Variants in WWC1 observed in about 807,000 individuals in gnomAD.
The protein encoded by WWC1 is WW and C2 domain containing 1.
In WWC1, 55 loss-of-function variants were observed where a neutral mutation model predicts 138.4. The ratio of observed to expected loss-of-function variants is 0.40; its 90% CI spans 0.32 to 0.50. The LOEUF (loss-of-function observed/expected upper bound fraction) is 0.50. Among genes scored for constraint, WWC1 ranks in the 20% least tolerant of loss-of-function variants. WWC1 has a pLI of 0.72. For synonymous variants in WWC1, 524 were observed against 564.9 expected, an observed-to-expected ratio of 0.93 and a Z score of 1.03; for missense variants, 1,226 against 1,420.4, an observed-to-expected ratio of 0.86 and a Z score of 2.20.
At chr5:168,448,313 C>T (rs562450966) in intron 17 of WWC1, among the ~76,000 whole-genome samples, 104 of 152,264 alleles carry the variant, frequency 6.8e-4, no homozygotes, top group Admixed American at 1.6e-3. Context: ...AGTCCTTCCT[C>T]GGCACCCAAA....
In WWC1 at chr5:168,422,050, G is replaced by A. The variant is rs1442282807; in HGVS notation, c.1227G>A (p.Leu409=). The change falls in exon 10 of 23, where the codon CTG becomes CTA. Residue 409 remains leucine (L), a synonymous_variant. Transcript: ENST00000265293. ...AGAGGAACCAGCTTGTGAGAGAACT[G>A]GAGGAAGCCACCCGGCAGGTGGCAA... is the stretch of plus-strand genomic sequence containing the variant. ...NSKRNQLVRE[L]EEATRQVATL... 1 of 1,612,822 alleles carries A rather than the reference G, an allele frequency of 6.2e-7. No individual in the cohort carries two copies.
chr5:168,433,050 T>C (rs1165417629), intron 15 of WWC1, among the ~76,000 whole-genome samples: 1 of 152,224 alleles, frequency 6.6e-6, no homozygotes, highest in African/African-American at 2.4e-5. Flanking sequence ...CATCCTTGGA[T>C]TGTGGCCTGG....
chr5:168,406,944 A>AAAAT lies in WWC1; in HGVS notation c.720+637_720+640dup, dbSNP rs199720935. ...GCGAAACAGTGAGACTCTGTCTCAA[A>AAAAT]AAATAAATAAATAAATAAATAAAGA... On this transcript the variant is annotated intron_variant, in intron 6 of 22. Transcript: ENST00000265293. 9.8e-3 allele frequency among the ~76,000 whole-genome samples: 1,479 copies of AAAAT among 151,644 alleles called. 25 individuals carry two copies. Among genetic ancestry groups the AAAAT allele is most frequent in the African/African-American group, 0.033 (1,359 of 41,078 alleles).
At chr5:168,303,843 A>T (rs1043139015) in intron 1 of WWC1, among the ~76,000 whole-genome samples, 2 of 151,918 alleles carry the variant, frequency 1.3e-5, no homozygotes, top group African/African-American at 4.8e-5. Context: ...CCCTACTTCA[A>T]CTCCAGGAAG....
chr5:168,358,239 G>T (rs912580685), intron 1 of WWC1, among the ~76,000 whole-genome samples: 3 of 152,188 alleles, frequency 2.0e-5, no homozygotes, highest in African/African-American at 4.8e-5. Flanking sequence ...TTTAGAAAAG[G>T]CTTCATACAG....
chr5:168,404,757 G>A (rs1779653160), intron 5 of WWC1, among the ~76,000 whole-genome samples: 1 of 152,138 alleles, frequency 6.6e-6, no homozygotes, highest in South Asian at 2.1e-4. Context: ...CTAGCCTTTG[G>A]CGAAAGTGTG....
intron 15 of WWC1, 46 bp from the exon 16 acceptor site, chr5:168,441,636 T>TC (rs144361392): frequency 2.0e-5 from 32 of 1,591,760 alleles, no homozygotes; most frequent in Middle Eastern, 3.4e-4. Flanking sequence ...ACACCTGGTG[T>TC]CCCCCCCACC....
chr5:168,315,266 A>G (rs62385619), intron 1 of WWC1, among the ~76,000 whole-genome samples: 3,870 of 152,030 alleles, frequency 0.025, 86 homozygotes, highest in Non-Finnish European at 0.034. Context: ...GGAGCTTGTA[A>G]AATGCAGATT....
chr5:168,422,305 A>T (rs2152851621), intron 10 of WWC1, among the ~76,000 whole-genome samples: 1 of 152,352 alleles, frequency 6.6e-6, no homozygotes, highest in South Asian at 2.1e-4. Flanking sequence ...CTGATAGCAC[A>T]AAGAAGGCCC....
intron 20 of WWC1, among the ~76,000 whole-genome samples, chr5:168,464,190 C>G (rs1169378045): frequency 6.6e-6 from 1 of 152,036 alleles, no homozygotes; most frequent in African/African-American, 2.4e-5. Context: ...CAAGCAGAAA[C>G]AATAGGGGCC....
rs190142658 is a variant in WWC1 at position 168,410,012 on chromosome 5, T to C, written c.941+17T>C. ...TAAGAGAAGGTAATTGGGCTGGGGCTAGGGGCGGGATGGTTCCAAAAATAA... is the reference window on the plus strand; with the variant it reads ...TAAGAGAAGGTAATTGGGCTGGGGCCAGGGGCGGGATGGTTCCAAAAATAA... On this transcript the variant is annotated intron_variant, in intron 8 of 22. Coordinates refer to ENST00000265293, the MANE Select transcript of WWC1 (RefSeq NM_015238.3). The C allele has an allele frequency of 2.5e-6, 4 of 1,613,076 alleles. No individual in the cohort carries two copies. The African/African-American group carries it at 5.3e-5, about 22-fold the overall frequency.
At chr5:168,367,361 T>G (rs1776373571) in intron 1 of WWC1, among the ~76,000 whole-genome samples, 1 of 152,092 alleles carries the variant, frequency 6.6e-6, no homozygotes, top group African/African-American at 2.4e-5. Flanking sequence ...AGACGGAGTC[T>G]TGCTCTGTCC....
intron 17 of WWC1, among the ~76,000 whole-genome samples, chr5:168,445,591 C>G (rs771540784): frequency 5.4e-5 from 8 of 148,614 alleles, no homozygotes; most frequent in Non-Finnish European, 1.0e-4. Context: ...ATCACAGCTA[C>G]TTAGGAGGCT....
intron 1 of WWC1, among the ~76,000 whole-genome samples, chr5:168,328,835 T>C (rs1425594118): frequency 6.6e-6 from 1 of 152,100 alleles, no homozygotes; most frequent in Non-Finnish European, 1.5e-5. Context: ...GCGCCTGGCC[T>C]GTGGGGAGTT....
intron 9 of WWC1, among the ~76,000 whole-genome samples, chr5:168,419,025 G>A (rs759860873): frequency 2.6e-5 from 4 of 152,154 alleles, no homozygotes; most frequent in African/African-American, 2.4e-5. Flanking sequence ...CACGGATTTA[G>A]TTGTCCAGTA....
At chr5:168,412,006 T>G in intron 8 of WWC1, 1 of 985,294 alleles carries the variant, frequency 1.0e-6, no homozygotes, top group Non-Finnish European at 1.2e-6. Flanking sequence ...CTATTTCAGC[T>G]CCCCCAGGCG....
rs570698811 is a variant in WWC1, at chr5:168,340,409, A to G, written c.120-31015A>G. ...CTCTTAGTATACTCAGAGTTGTGCA[A>G]CCATCACCACAATCACTTTTATAAT... On this transcript the variant is annotated intron_variant, in intron 1 of 22. Transcript: ENST00000265293. 5.9e-5 allele frequency among the ~76,000 whole-genome samples: 9 copies of G among 152,314 alleles called. No individual in the cohort carries two copies. In the South Asian group the frequency reaches 1.7e-3, roughly 28 times the overall value.
chr5:168,403,871 T>TAGAC (rs1244295959), intron 5 of WWC1, among the ~76,000 whole-genome samples: 2,872 of 134,428 alleles, frequency 0.021, 46 homozygotes, highest in African/African-American at 0.022. Context: ...AACACATGCA[T>TAGAC]ACACACACAC....
chr5:168,328,238 G>A (rs889596522), intron 1 of WWC1, among the ~76,000 whole-genome samples: 3 of 152,160 alleles, frequency 2.0e-5, no homozygotes, highest in Non-Finnish European at 4.4e-5. Context: ...TCACTGGGCC[G>A]TCATAGAGAC....
Sources: gnomAD v4.1 joint callset for allele counts (sites outside exome capture counted in the v4.1 genomes callset) on GRCh38, gnomAD v4.1.1 for gene constraint, MANE v1.5 for transcripts, NCBI Gene and HGNC (gene_info 2026-07-23, HGNC 2026-07-21) for gene names.